The following ZNF676 variants were observed in gnomAD, a reference collection of about 807,000 sequenced individuals.
The protein encoded by ZNF676 is zinc finger protein 676.
A neutral mutation model predicts 6.0 loss-of-function variants in ZNF676; 4 were observed. The ratio of observed to expected loss-of-function variants is 0.67; its 90% CI spans 0.33 to 1.53. ZNF676 has a LOEUF of 1.53. Among genes scored for constraint, ZNF676 ranks in the 40% most tolerant of loss-of-function variants. The probability of loss-of-function intolerance (pLI) is 0.06; values close to 1 mark genes in which losing one functional copy is unlikely to be tolerated. For synonymous variants in ZNF676, 198 were observed against 223.1 expected, an observed-to-expected ratio of 0.89 and a Z score of 1.00; for missense variants, 644 against 679.7, an observed-to-expected ratio of 0.95 and a Z score of 0.58.
At chr19:22,233,330 GT>G in the ZNF676 span, among the ~76,000 whole-genome samples, 1 of 151,336 alleles carries the variant, frequency 6.6e-6, no homozygotes, top group Non-Finnish European at 1.5e-5. Flanking sequence ...CTTTTTTAAG[GT>G]TTTTTTTCTG....
chr19:22,245,430 C>G, the ZNF676 span: 1 of 151,968 alleles, frequency 6.6e-6, no homozygotes, highest in African/African-American at 2.4e-5. Flanking sequence ...GTCATAATCT[C>G]TCCTATTGAC....
At chr19:22,255,235 A>G in the ZNF676 span, among the ~76,000 whole-genome samples, 13 of 151,396 alleles carry the variant, frequency 8.6e-5, no homozygotes, top group East Asian at 3.9e-4. Flanking sequence ...TCAACTTTCA[A>G]CTGCCTTTGG....
At chr19:22,211,234 C>T (rs1202895687) in intron 1 of ZNF676, among the ~76,000 whole-genome samples, 1 of 152,062 alleles carries the variant, frequency 6.6e-6, no homozygotes, top group Non-Finnish European at 1.5e-5. Flanking sequence ...CCTGTGGGGC[C>T]CCAGCTTTCC....
At chr19:22,243,156 G>A in the ZNF676 span, 1 of 151,900 alleles carries the variant, frequency 6.6e-6, no homozygotes, top group Non-Finnish European at 1.5e-5. Context: ...TAAAAGAAGA[G>A]ACTCACATCA....
the ZNF676 span, among the ~76,000 whole-genome samples, chr19:22,254,424 G>C: frequency 6.6e-6 from 1 of 152,184 alleles, no homozygotes; most frequent in Non-Finnish European, 1.5e-5. Context: ...CCCCTCATGG[G>C]CAGGGCACAG....
intron 2 of ZNF676, among the ~76,000 whole-genome samples, chr19:22,185,724 T>C (rs2145794081): frequency 6.6e-6 from 1 of 152,258 alleles, no homozygotes; most frequent in South Asian, 2.1e-4. Flanking sequence ...GCACGAGAAC[T>C]TTGTGAAGCA....
At chr19:22,229,060 A>G in the ZNF676 span, among the ~76,000 whole-genome samples, 24 of 152,338 alleles carry the variant, frequency 1.6e-4, no homozygotes, top group African/African-American at 5.5e-4. Context: ...CTAAACAAAA[A>G]GAACAAAGCT....
rs1471036010 is a variant in ZNF676, at chr19:22,181,169, G to A, written c.548C>T (p.Thr183Ile). 2 of 1,613,748 alleles carry A rather than the reference G, an allele frequency of 1.2e-6. No individual in the cohort carries two copies. Among genetic ancestry groups the A allele is most frequent in the South Asian group, 1.1e-5 (1 of 91,062 alleles). ...ATGAATACTCTTATAATAAGTAAGG[G>A]TTGAGGACCAGTTAAAAGCTTTGCC... ...ENGKAFNWSSTLTYYKSIHTG... is the reference protein window; with the variant it reads ...ENGKAFNWSSILTYYKSIHTG... The change falls in exon 3 of 3, where the codon ACC becomes ATC. Residue 183 changes from threonine (T) to isoleucine (I), a missense_variant. Transcript: ENST00000397121.
chr19:22,227,687 T>G, the ZNF676 span, among the ~76,000 whole-genome samples: 47 of 152,172 alleles, frequency 3.1e-4, no homozygotes, highest in Non-Finnish European at 5.9e-5. Flanking sequence ...GTATTGGCAC[T>G]GATCCCACAG....
intron 1 of ZNF676, among the ~76,000 whole-genome samples, chr19:22,205,210 C>T (rs527413731): frequency 2.5e-4 from 38 of 152,228 alleles, no homozygotes; most frequent in African/African-American, 8.9e-4. Context: ...CAGTAATAAT[C>T]GGGGACTACA....
At chr19:22,252,563 C>A in the ZNF676 span, among the ~76,000 whole-genome samples, 1 of 152,104 alleles carries the variant, frequency 6.6e-6, no homozygotes, top group African/African-American at 2.4e-5. Context: ...AGCAGTATGT[C>A]CCAATACCCC....
chr19:22,243,452 C>T, the ZNF676 span: 1 of 152,076 alleles, frequency 6.6e-6, no homozygotes, highest in African/African-American at 2.4e-5. Flanking sequence ...ATTATCAAAA[C>T]ACAAAGTTGA....
At chr19:22,182,585 T>TA (rs67699215) in intron 2 of ZNF676, among the ~76,000 whole-genome samples, 15,571 of 44,940 alleles carry the variant, frequency 0.35, 2,338 homozygotes, top group South Asian at 0.57. Context: ...GTCAAAGTTC[T>TA]AAAAAAAAAA....
chr19:22,215,331 G>A (rs2024173241), intron 1 of ZNF676, among the ~76,000 whole-genome samples: 1 of 152,132 alleles, frequency 6.6e-6, no homozygotes. Context: ...CCTCAAGTCA[G>A]GATTCTCCTC....
chr19:22,247,518 C>T, the ZNF676 span, among the ~76,000 whole-genome samples: 280 of 151,466 alleles, frequency 1.8e-3, 1 homozygote, highest in African/African-American at 5.6e-3. Flanking sequence ...AAGCCAAGAT[C>T]GTACCATTGC....
At chr19:22,259,524 T>C in the ZNF676 span, among the ~76,000 whole-genome samples, 35 of 152,186 alleles carry the variant, frequency 2.3e-4, no homozygotes, top group African/African-American at 7.7e-4. Context: ...TGAAGTCACC[T>C]GTGTGCTGGA....
At chr19:22,181,663 A>C in intron 2 of ZNF676, 77 bp from the exon 3 acceptor site, 1 of 1,167,332 alleles carries the variant, frequency 8.6e-7, no homozygotes, top group Non-Finnish European at 1.2e-6. Context: ...TAACCTATAA[A>C]ATTATTCAAA....
At chr19:22,199,767 C>G (rs1442190511), upstream of ZNF676, among the ~76,000 whole-genome samples, 2 of 152,028 alleles carry the variant, frequency 1.3e-5, no homozygotes, top group African/African-American at 4.8e-5. Context: ...GAATAGAAAA[C>G]AGAACAGAAA....
chr19:22,257,666 GGT>G, the ZNF676 span, among the ~76,000 whole-genome samples: 1 of 152,200 alleles, frequency 6.6e-6, no homozygotes, highest in East Asian at 1.9e-4. Context: ...ACATAACCTA[GGT>G]GCTGGGCCCA....
Sources: allele counts gnomAD v4.1 joint callset (sites outside exome capture counted in the v4.1 genomes callset), GRCh38; gene constraint gnomAD v4.1.1; transcripts MANE v1.5; gene names NCBI Gene and HGNC (gene_info 2026-07-23, HGNC 2026-07-21).